Variants in ERICH2 observed in about 807,000 individuals in gnomAD.
ERICH2 encodes glutamate rich 2, also known as glutamate-rich protein 2.
In ERICH2, 17 loss-of-function variants were observed where a neutral mutation model predicts 17.4. The observed-to-expected ratio is 0.98, with a 90% CI of 0.67 to 1.47. The LOEUF is 1.47. Among genes scored for constraint, ERICH2 ranks in the 40% most tolerant of loss-of-function variants. The pLI, the probability that ERICH2 is intolerant of heterozygous loss-of-function variation, is 0.00. For missense variants in ERICH2, 186 were observed against 183.2 expected (o/e 1.01, Z -0.09); for synonymous variants, 51 against 61.1 (o/e 0.83, Z 0.77).
intron 2 of ERICH2, among the ~76,000 whole-genome samples, chr2:170,786,848 A>G (rs1180900937): frequency 1.3e-5 from 2 of 152,040 alleles, no homozygotes; most frequent in African/African-American, 2.4e-5. Flanking sequence ...AAGATTTTTT[A>G]TACCTATTAT....
chr2:170,795,501 C>T (rs2105722604), intron 3 of ERICH2, among the ~76,000 whole-genome samples: 1 of 152,262 alleles, frequency 6.6e-6, no homozygotes, highest in African/African-American at 2.4e-5. Flanking sequence ...ACACGTAAAA[C>T]CATGCCCAGG....
intron 2 of ERICH2, among the ~76,000 whole-genome samples, chr2:170,791,980 C>A (rs1201631742): frequency 6.6e-6 from 1 of 152,082 alleles, no homozygotes; most frequent in Non-Finnish European, 1.5e-5. Flanking sequence ...CATATACCTG[C>A]ATGTGGTTCA....
intron 2 of ERICH2, among the ~76,000 whole-genome samples, chr2:170,792,253 A>T (rs1701306846): frequency 1.3e-5 from 2 of 152,220 alleles, no homozygotes; most frequent in South Asian, 4.1e-4. Context: ...TACTTGAAAG[A>T]ATATACATGA....
At chr2:170,787,207 C>G (rs13024326) in intron 2 of ERICH2, among the ~76,000 whole-genome samples, 12,158 of 152,200 alleles carry the variant, frequency 0.08, 682 homozygotes, top group Non-Finnish European at 0.12. Context: ...TGCACACCAC[C>G]ACACCTGGTA....
At chr2:170,775,270 T>TA in the ERICH2 span, among the ~76,000 whole-genome samples, 1,183 of 137,134 alleles carry the variant, frequency 8.6e-3, 11 homozygotes, top group African/African-American at 0.02. Flanking sequence ...TCTTCAAAAA[T>TA]AAAAAAAAAA....
exon 2 of ERICH2, chr2:170,784,696 T>C: frequency 6.5e-7 from 1 of 1,543,436 alleles, no homozygotes; most frequent in East Asian, 2.5e-5. Flanking sequence ...AAATAATGAA[T>C]ATTGCCTTCA....
At chr2:170,793,324 TAGTC>T (rs142571816) in intron 3 of ERICH2, among the ~76,000 whole-genome samples, 3,772 of 152,316 alleles carry the variant, frequency 0.025, 148 homozygotes, top group African/African-American at 0.086. Context: ...GGAAATACAA[TAGTC>T]AGTCAGACAG....
At chr2:170,771,133 G>A in the ERICH2 span, 1 of 154,704 alleles carries the variant, frequency 6.5e-6, no homozygotes, top group African/African-American at 2.4e-5. This position sits in a 1 kb window ranked among gnomAD's most constrained non-coding sequence, Gnocchi z 4.8. Context: ...CAGCTAGCCG[G>A]GCTGGCTCTC....
In ERICH2 at chr2:170,798,759, T is replaced by G; in HGVS notation, c.347-11T>G. 1 of 1,550,458 alleles carries G rather than the reference T, an allele frequency of 6.4e-7. No homozygotes were observed. The highest frequency in any genetic ancestry group is 8.7e-7 in the Non-Finnish European group (1 of 1,146,904). On this transcript the variant is annotated splice_polypyrimidine_tract_variant and intron_variant, in intron 4 of 4. Coordinates refer to ENST00000409885, the Ensembl canonical transcript of ERICH2. ...AAACACCTTAAGCAATCCTCTTCCTTTCTGTGGCAGAGAAAACTCAGAATC... is the reference window on the plus strand; with the variant it reads ...AAACACCTTAAGCAATCCTCTTCCTGTCTGTGGCAGAGAAAACTCAGAATC...
At chr2:170,777,971 T>G in the ERICH2 span, 1 of 314,108 alleles carries the variant, frequency 3.2e-6, no homozygotes, top group African/African-American at 2.1e-5. Flanking sequence ...TTTTCATTGC[T>G]CATTCCTATT....
chr2:170,796,428 G>GTTTTTTTTTTTTTTTTTTTTTTTTT (rs869301301), intron 3 of ERICH2, among the ~76,000 whole-genome samples: 1 of 114,554 alleles, frequency 8.7e-6, no homozygotes, highest in African/African-American at 3.2e-5. Context: ...CTCTCTCTTT[G>GTTTTTTTTTTTTTTTTTTTTTTTTT]TTTTTTTTTT....
intron 2 of ERICH2, among the ~76,000 whole-genome samples, chr2:170,790,833 T>G (rs1016087577): frequency 6.6e-6 from 1 of 151,628 alleles, no homozygotes; most frequent in Non-Finnish European, 1.5e-5. Context: ...TAAAAACTAT[T>G]TGGAAAATAG....
upstream of ERICH2, among the ~76,000 whole-genome samples, chr2:170,781,414 T>A (rs903233307): frequency 6.6e-6 from 1 of 151,934 alleles, no homozygotes; most frequent in African/African-American, 2.4e-5. Context: ...GGTGGGTGGA[T>A]CACAAGGTCA....
chr2:170,775,382 T>TGATCA, the ERICH2 span, among the ~76,000 whole-genome samples: 1 of 151,924 alleles, frequency 6.6e-6, no homozygotes, highest in African/African-American at 2.4e-5. Context: ...CAGTGAGTCA[T>TGATCA]GATCATACCA....
the ERICH2 span, among the ~76,000 whole-genome samples, chr2:170,775,449 A>C: frequency 3.3e-5 from 5 of 152,052 alleles, no homozygotes; most frequent in Non-Finnish European, 7.4e-5. Flanking sequence ...TAATATTATT[A>C]ATAAATATAA....
At chr2:170,791,822 A>T (rs573707490) in intron 2 of ERICH2, among the ~76,000 whole-genome samples, 226 of 151,990 alleles carry the variant, frequency 1.5e-3, no homozygotes, top group Non-Finnish European at 2.4e-3. Context: ...TAGAAATAAA[A>T]TTTTTTTTAA....
At chr2:170,783,661 A>C, upstream of ERICH2, 1 of 816,562 alleles carries the variant, frequency 1.2e-6, no homozygotes, top group Non-Finnish European at 2.0e-6. Flanking sequence ...ACTGCTTTAG[A>C]TCTAGGGATC....
chr2:170,779,263 C>T (rs1194418842), upstream of ERICH2, among the ~76,000 whole-genome samples: 1 of 152,166 alleles, frequency 6.6e-6, no homozygotes, highest in Non-Finnish European at 1.5e-5. Flanking sequence ...CCGCTCTCCA[C>T]CCTGCTGCTG....
chr2:170,791,466 C>T (rs571801180), intron 2 of ERICH2, among the ~76,000 whole-genome samples: 7 of 149,824 alleles, frequency 4.7e-5, no homozygotes, highest in South Asian at 2.1e-4. Flanking sequence ...CCGAGGCGGG[C>T]GGATCACGAG....
Sources: allele counts gnomAD v4.1 joint callset (sites outside exome capture counted in the v4.1 genomes callset), GRCh38; gene constraint gnomAD v4.1.1; non-coding constraint Gnocchi (gnomAD v3.1); transcripts MANE v1.5; gene names NCBI Gene and HGNC (gene_info 2026-07-23, HGNC 2026-07-21).